POGZ: variants seen among roughly 807,000 people sequenced by gnomAD.
POGZ encodes pogo transposable element derived with ZNF domain, also known as pogo transposable element with ZNF domain.
POGZ carries 17 observed loss-of-function variants against 134.6 expected under a neutral mutation model. The observed-to-expected ratio is 0.13, with a 90% CI of 0.09 to 0.19. The LOEUF (loss-of-function observed/expected upper bound fraction) is 0.19. Ranked by LOEUF, POGZ falls within the 10% of genes least tolerant of loss-of-function variation. The probability of loss-of-function intolerance (pLI) is 1.00; values close to 1 mark genes in which losing one functional copy is unlikely to be tolerated. For missense variants in POGZ, 1,306 were observed against 1,769.7 expected (o/e 0.74, Z 4.70); for synonymous variants, 693 against 657.1 (o/e 1.05, Z -0.84).
At position 151,438,427 on chromosome 1, in the gene POGZ, G is replaced by A. The variant is rs1023063071; in HGVS notation, c.283+2501C>T. On this transcript the variant is annotated intron_variant, in intron 3 of 18. Coordinates refer to ENST00000271715, the MANE Select transcript of POGZ (RefSeq NM_015100.4). ...TTTTTTTCATGAACATGGGTTATGG[G>A]TTAACATTTTAATTTAAATATTAGA... Among the ~76,000 whole-genome samples the A allele has an allele frequency of 4.0e-5, 6 of 151,874 alleles. No homozygotes were observed. The East Asian group carries it at 9.6e-4, about 24-fold the overall frequency.
At chr1:151,414,837 G>A (rs1348204144) in intron 10 of POGZ, among the ~76,000 whole-genome samples, 2 of 152,094 alleles carry the variant, frequency 1.3e-5, no homozygotes, top group Non-Finnish European at 2.9e-5. Context: ...AGTGAGGTAG[G>A]AACTCAAATA....
intron 7 of POGZ, 123 bp downstream of exon 7, chr1:151,427,700 A>T (rs1045217564): frequency 4.2e-6 from 3 of 710,156 alleles, no homozygotes; most frequent in South Asian, 1.9e-5. Context: ...TTCTGTAAGA[A>T]CAAACTACAG....
At chr1:151,457,533 C>CA (rs1420011660) in intron 1 of POGZ, among the ~76,000 whole-genome samples, 1 of 152,232 alleles carries the variant, frequency 6.6e-6, no homozygotes, top group African/African-American at 2.4e-5. Context: ...TTCAAGCTCT[C>CA]AGACCCTGAG....
intron 3 of POGZ, among the ~76,000 whole-genome samples, chr1:151,433,287 A>C (rs1289846773): frequency 6.6e-6 from 1 of 152,164 alleles, no homozygotes; most frequent in East Asian, 1.9e-4. Context: ...ATCAGGGTCA[A>C]GTTTAAATTT....
At chr1:151,411,174 C>G (rs965409957) in intron 12 of POGZ, among the ~76,000 whole-genome samples, 6 of 152,192 alleles carry the variant, frequency 3.9e-5, no homozygotes, top group Non-Finnish European at 8.8e-5. Flanking sequence ...CATGATCTGT[C>G]CCTGCCTAAC....
chr1:151,415,520 A>G (rs1253016925), intron 10 of POGZ, among the ~76,000 whole-genome samples: 2 of 152,030 alleles, frequency 1.3e-5, no homozygotes. Flanking sequence ...AATGCAAAAA[A>G]ATTAGCCGGG....
intron 5 of POGZ, 139 bp downstream of exon 5, chr1:151,429,464 T>G: frequency 2.3e-6 from 1 of 436,258 alleles, no homozygotes. Context: ...TTTTTTAAAA[T>G]TGGGCTTAAA....
intron 3 of POGZ, among the ~76,000 whole-genome samples, chr1:151,434,607 A>G (rs1659275254): frequency 6.6e-6 from 1 of 152,194 alleles, no homozygotes; most frequent in South Asian, 2.1e-4. Context: ...TTTTTGAGAC[A>G]GAGTCTTGCT....
At chr1:151,408,024 AAAAAAAAGAAG>A in intron 15 of POGZ, 65 bp downstream of exon 15, 2 of 1,066,306 alleles carry the variant, frequency 1.9e-6, no homozygotes, top group East Asian at 2.7e-5. Flanking sequence ...AAAAAAAAAA[AAAAAAAAGAAG>A]AAGAAGAAGA....
In POGZ at chr1:151,433,177, G is replaced by A. The variant is rs564962339; in HGVS notation, c.284-2336C>T. 5.3e-5 allele frequency among the ~76,000 whole-genome samples: 8 copies of A among 152,132 alleles called. No individual in the cohort carries two copies. In the South Asian group the frequency reaches 1.4e-3, roughly 28 times the overall value. On this transcript the variant is annotated intron_variant, in intron 3 of 18. Transcript: ENST00000271715. ...TTTTGCATTTATGGGAAATCAGTCA[G>A]CATTAGCAAGTCTCTTAAAGACAGA...
At chr1:151,434,156 A>G (rs1659194385) in intron 3 of POGZ, among the ~76,000 whole-genome samples, 1 of 152,170 alleles carries the variant, frequency 6.6e-6, no homozygotes, top group Admixed American at 6.5e-5. Context: ...CTAAAAATAC[A>G]AAAGTTAGCT....
intron 1 of POGZ, among the ~76,000 whole-genome samples, chr1:151,453,955 A>G (rs1036549235): frequency 4.1e-4 from 62 of 152,228 alleles, no homozygotes; most frequent in African/African-American, 1.4e-3. Flanking sequence ...TTTAATGGGC[A>G]GCAAATGTTG....
intron 3 of POGZ, among the ~76,000 whole-genome samples, chr1:151,436,402 G>A (rs1396225141): frequency 6.6e-6 from 1 of 152,044 alleles, no homozygotes; most frequent in Non-Finnish European, 1.5e-5. Context: ...ATTTCATATA[G>A]ATGGAATCAT....
intron 1 of POGZ, among the ~76,000 whole-genome samples, chr1:151,452,097 CAAA>C (rs574531921): frequency 6.8e-5 from 4 of 59,032 alleles, no homozygotes; most frequent in African/African-American, 2.4e-4. Context: ...GACTCCGTCT[CAAA>C]AAAAAAAAAA....
chr1:151,442,162 A>ACTC lies in POGZ; in HGVS notation c.40_42dup (p.Glu14dup). The ACTC allele has an allele frequency of 6.2e-7, 1 of 1,613,016 alleles. No individual in the cohort carries two copies. The highest frequency in any genetic ancestry group is 8.5e-7 in the Non-Finnish European group (1 of 1,179,108). On this transcript the variant is annotated inframe_insertion, in exon 2 of 19. Transcript: ENST00000271715. Reference sequence around the variant, plus strand: ...TCACTGATTTTCTGCCATGGCTCCAACTCCTCCTCCTCACATTCCATGAAC... The same window carrying ACTC: ...TCACTGATTTTCTGCCATGGCTCCAACTCCTCCTCCTCCTCACATTCCATGAAC...
chr1:151,456,873 C>T (rs1475088062), intron 1 of POGZ, among the ~76,000 whole-genome samples: 6 of 152,036 alleles, frequency 3.9e-5, no homozygotes, highest in African/African-American at 1.4e-4. Flanking sequence ...AGCAAAACTC[C>T]GCCTCAAAAA....
At position 151,408,815 on chromosome 1, in the gene POGZ, T is replaced by C. The variant is rs749548928; in HGVS notation, c.1940A>G (p.Tyr647Cys). 1 of 1,609,970 alleles carries C rather than the reference T, an allele frequency of 6.2e-7. No individual in the cohort carries two copies. Among genetic ancestry groups the C allele is most frequent in the South Asian group, 1.1e-5 (1 of 90,758 alleles). ...CTGCAGCCGGCATTTGTTGCAGTGA[T>C]AAACATTTCTCTTCTGAAGTGGGGG... ...HYMRHQKRNV[Y>C]HCNKCRLQFL... The change falls in exon 13 of 19, where the codon TAT (tyrosine) becomes TGT (cysteine). Residue 647 changes from tyrosine to cysteine, a missense_variant. By Grantham distance (194) the Tyr-to-Cys change is radical. Coordinates refer to ENST00000271715, the MANE Select transcript of POGZ (RefSeq NM_015100.4).
intron 3 of POGZ, among the ~76,000 whole-genome samples, chr1:151,437,281 AATC>A (rs2102343984): frequency 6.7e-6 from 1 of 149,356 alleles, no homozygotes; most frequent in Non-Finnish European, 1.5e-5. Context: ...GTTTTTTTTT[AATC>A]ACATCTTTAA....
At chr1:151,437,143 G>A (rs1269377967) in intron 3 of POGZ, among the ~76,000 whole-genome samples, 3 of 151,640 alleles carry the variant, frequency 2.0e-5, no homozygotes, top group Non-Finnish European at 4.4e-5. Flanking sequence ...GCAGTGAGCC[G>A]AGATTGCGCC....
Sources: allele counts gnomAD v4.1 joint callset (sites outside exome capture counted in the v4.1 genomes callset), GRCh38; gene constraint gnomAD v4.1.1; transcripts MANE v1.5; gene names NCBI Gene and HGNC (gene_info 2026-07-23, HGNC 2026-07-21).